Variants in PTPRG observed in about 807,000 individuals in gnomAD.
The protein encoded by PTPRG is protein tyrosine phosphatase receptor type G, also known as receptor-type tyrosine-protein phosphatase gamma.
Under a neutral mutation model 165.3 loss-of-function variants are expected in PTPRG, and 102 were observed. The observed-to-expected ratio is 0.62, with a 90% CI of 0.53 to 0.73. The LOEUF (loss-of-function observed/expected upper bound fraction) is 0.73. Among genes scored for constraint, PTPRG ranks in the 30% least tolerant of loss-of-function variants. PTPRG has a pLI of 0.00. For synonymous variants in PTPRG, 675 were observed against 669.5 expected (o/e 1.01, Z -0.13); for missense variants, 1,866 against 1,861.4 (o/e 1.00, Z -0.05).
intron 1 of PTPRG, among the ~76,000 whole-genome samples, chr3:61,677,261 A>G (rs1411081899): frequency 2.0e-5 from 3 of 151,860 alleles, no homozygotes; most frequent in Non-Finnish European, 4.4e-5. Flanking sequence ...AAAAAAAAAA[A>G]AAAGAATCAC....
intron 28 of PTPRG, among the ~76,000 whole-genome samples, chr3:62,286,584 TC>T (rs1281442071): frequency 2.6e-5 from 4 of 152,104 alleles, no homozygotes; most frequent in Non-Finnish European, 5.9e-5. Context: ...TTACTGTACT[TC>T]AGGAGCTTAA....
intron 2 of PTPRG, among the ~76,000 whole-genome samples, chr3:61,841,442 G>T (rs1296952208): frequency 6.6e-6 from 1 of 152,148 alleles, no homozygotes; most frequent in South Asian, 2.1e-4. Context: ...TCTTTGTCCT[G>T]TAGGTATAAA....
chr3:61,781,157 T>TG (rs2034533567), intron 2 of PTPRG, among the ~76,000 whole-genome samples: 1 of 152,194 alleles, frequency 6.6e-6, no homozygotes, highest in Non-Finnish European at 1.5e-5. Flanking sequence ...AAAGATGCCT[T>TG]GGGGCTGAAT....
intron 5 of PTPRG, among the ~76,000 whole-genome samples, chr3:62,097,524 G>T (rs1702157922): frequency 6.6e-6 from 1 of 150,594 alleles, no homozygotes; most frequent in Non-Finnish European, 1.5e-5. Context: ...TATTTTTGGG[G>T]GCAAGAGAGG....
intron 5 of PTPRG, among the ~76,000 whole-genome samples, chr3:62,118,895 G>A (rs1196826005): frequency 6.6e-6 from 1 of 152,168 alleles, no homozygotes; most frequent in Non-Finnish European, 1.5e-5. Flanking sequence ...GAACTCTCTA[G>A]ATACCCTGAT....
intron 2 of PTPRG, among the ~76,000 whole-genome samples, chr3:61,976,015 C>T (rs368208125): frequency 4.6e-5 from 7 of 152,232 alleles, no homozygotes; most frequent in East Asian, 1.9e-4. Flanking sequence ...CTTGAAGAAC[C>T]GTGTTCTAAT....
In PTPRG at chr3:62,219,046, G is replaced by A. The variant is rs540928363; in HGVS notation, c.2288+63G>A. On this transcript the variant is annotated intron_variant, in intron 13 of 29. Transcript: ENST00000474889. The surrounding 1 kb of genome is among the most constrained non-coding windows in gnomAD (Gnocchi z 4.5). ...CAGATGCTGGCCAGGTTTTGCTCAC[G>A]GGAGGGGAATCCCACGGCCTCTGCA... 236 of 1,588,118 alleles carry A rather than the reference G, an allele frequency of 1.5e-4. No homozygotes were observed. Among genetic ancestry groups the A allele is most frequent in the South Asian group, 4.2e-4 (37 of 87,224 alleles).
At position 62,267,754 on chromosome 3, in the gene PTPRG, A is replaced by C. The variant is rs775266617; in HGVS notation, c.2809A>C (p.Arg937=). The change falls in exon 19 of 30, where the codon AGG becomes CGG. Residue 937 remains arginine, a synonymous_variant. Coordinates refer to ENST00000474889, the MANE Select transcript of PTPRG (RefSeq NM_002841.4). ...PLKSTFEDFW[R]MIWEQNTGII... Reference sequence around the variant, plus strand: ...GAAGTCTACATTTGAAGATTTCTGGAGGATGATTTGGGAACAAAACACTGG... The same window carrying C: ...GAAGTCTACATTTGAAGATTTCTGGCGGATGATTTGGGAACAAAACACTGG... 6.2e-7 allele frequency: 1 copy of C among 1,613,574 alleles called. No individual in the cohort carries two copies. Among genetic ancestry groups the C allele is most frequent in the Non-Finnish European group, 8.5e-7 (1 of 1,179,558 alleles).
chr3:62,040,603 G>A (rs1277046730), intron 4 of PTPRG, among the ~76,000 whole-genome samples: 2 of 152,126 alleles, frequency 1.3e-5, no homozygotes, highest in South Asian at 2.1e-4. Flanking sequence ...ACAGGCATGC[G>A]CCACCACGCC....
chr3:61,562,666 A>G (rs1699791760), intron 1 of PTPRG, among the ~76,000 whole-genome samples: 1 of 149,512 alleles, frequency 6.7e-6, no homozygotes, highest in African/African-American at 2.5e-5. Context: ...ATCGGGAGAA[A>G]GGGGGACTTG....
At chr3:62,126,839 G>C (rs556688302) in intron 5 of PTPRG, among the ~76,000 whole-genome samples, 1 of 152,026 alleles carries the variant, frequency 6.6e-6, no homozygotes, top group East Asian at 1.9e-4. Context: ...ATTCCTCTCC[G>C]ACTTATTTCA....
At position 61,835,365 on chromosome 3, in the gene PTPRG, C is replaced by G. The variant is rs1018064640; in HGVS notation, c.190+86383C>G. On this transcript the variant is annotated intron_variant, in intron 2 of 29. Coordinates refer to ENST00000474889, the MANE Select transcript of PTPRG (RefSeq NM_002841.4). ...TCAGTGGGATCATGTCATTCCTACT[C>G]CCCCCTTCCCCAGGCTGGAGTGCAG... is the stretch of plus-strand genomic sequence containing the variant. 5.3e-5 allele frequency among the ~76,000 whole-genome samples: 8 copies of G among 152,062 alleles called. No individual in the cohort carries two copies. In the East Asian group the frequency reaches 1.4e-3, roughly 26 times the overall value.
rs945113881 is a variant in PTPRG, at chr3:62,169,980, G to C, written c.1033+1817G>C. Among the ~76,000 whole-genome samples, 3 of 152,258 alleles carry C rather than the reference G, an allele frequency of 2.0e-5. 1 individual carries two copies. On this transcript the variant is annotated intron_variant, in intron 8 of 29. Transcript: ENST00000474889. ...TTTCTAGGCTCATGTTTCTGAAAAG[G>C]AGCTAAAAGAAGAGGAGAGGGAGTT...
At chr3:61,880,985 C>T (rs1044200390) in intron 2 of PTPRG, among the ~76,000 whole-genome samples, 3 of 151,138 alleles carry the variant, frequency 2.0e-5, no homozygotes, top group Non-Finnish European at 4.4e-5. Context: ...TTGTTATAGC[C>T]CCTATTAATC....
At position 62,135,878 on chromosome 3, in the gene PTPRG, G is replaced by C. The variant is rs1177672854; in HGVS notation, c.682+3210G>C. Among the ~76,000 whole-genome samples, 3 of 152,186 alleles carry C rather than the reference G, an allele frequency of 2.0e-5. No individual in the cohort carries two copies. The East Asian group carries it at 5.8e-4, about 29-fold the overall frequency. The stretch of plus-strand genomic sequence containing the variant: ...GAGCCCCAGAGCAAAGACTGCCCCT[G>C]AAAGGAGTCCTGTGTTGGCAGGAAT... On this transcript the variant is annotated intron_variant, in intron 6 of 29. Transcript: ENST00000474889.
At chr3:62,199,233 GGTGAGACCC>G (rs2106828293) in intron 10 of PTPRG, among the ~76,000 whole-genome samples, 1 of 152,232 alleles carries the variant, frequency 6.6e-6, no homozygotes, top group African/African-American at 2.4e-5. Flanking sequence ...ATTTAGGCTG[GGTGAGACCC>G]CTGTTATTTG....
chr3:62,132,105 C>T (rs1052981425), intron 5 of PTPRG, among the ~76,000 whole-genome samples: 4 of 152,186 alleles, frequency 2.6e-5, no homozygotes, highest in African/African-American at 9.6e-5. Flanking sequence ...TCCTCTTCTG[C>T]TTTCCATAAC....
intron 4 of PTPRG, among the ~76,000 whole-genome samples, chr3:62,031,199 T>A (rs190620092): frequency 6.9e-4 from 105 of 152,332 alleles, no homozygotes; most frequent in Middle Eastern, 3.4e-3. Context: ...CATATTCTAA[T>A]TACAATTGTA....
At chr3:62,139,780 CT>C (rs1354345429) in intron 6 of PTPRG, among the ~76,000 whole-genome samples, 1 of 152,202 alleles carries the variant, frequency 6.6e-6, no homozygotes, top group East Asian at 1.9e-4. Flanking sequence ...CTCCCTCCAC[CT>C]TTTTGCCCCT....
Sources: gnomAD v4.1 joint callset for allele counts (sites outside exome capture counted in the v4.1 genomes callset) on GRCh38, gnomAD v4.1.1 for gene constraint, Gnocchi (gnomAD v3.1) non-coding constraint, MANE v1.5 for transcripts, NCBI Gene and HGNC (gene_info 2026-07-23, HGNC 2026-07-21) for gene names.